Variants in SCHIP1 observed in about 807,000 individuals in gnomAD.
The protein encoded by SCHIP1 is schwannomin-interacting protein 1.
SCHIP1 carries 8 observed loss-of-function variants against 29.7 expected under a neutral mutation model. The ratio of observed to expected loss-of-function variants is 0.27; its 90% CI spans 0.16 to 0.49. The LOEUF (loss-of-function observed/expected upper bound fraction) is 0.49, where lower values mean the gene tolerates loss of function less well. Among genes scored for constraint, SCHIP1 ranks in the 20% least tolerant of loss-of-function variants. The pLI, the probability that SCHIP1 is intolerant of heterozygous loss-of-function variation, is 0.99. For missense variants in SCHIP1, 193 were observed against 294.6 expected (o/e 0.66, Z 2.52); for synonymous variants, 76 against 94.9 (o/e 0.80, Z 1.16).
the SCHIP1 span, among the ~76,000 whole-genome samples, chr3:159,666,296 G>A: frequency 8.1e-4 from 124 of 152,278 alleles, 1 homozygote; most frequent in African/African-American, 2.7e-3. Context: ...CAACACTGAC[G>A]CTTTGCTCAG....
chr3:159,498,359 G>A, the SCHIP1 span, among the ~76,000 whole-genome samples: 1 of 152,176 alleles, frequency 6.6e-6, no homozygotes. Context: ...AGAACAACCA[G>A]TAATTCCTTG....
the SCHIP1 span, among the ~76,000 whole-genome samples, chr3:159,278,240 T>A: frequency 6.6e-6 from 1 of 152,122 alleles, no homozygotes; most frequent in Non-Finnish European, 1.5e-5. Flanking sequence ...CCTGAGCTCC[T>A]TGAGAAACCA....
the SCHIP1 span, among the ~76,000 whole-genome samples, chr3:159,425,994 C>T: frequency 6.6e-6 from 1 of 152,002 alleles, no homozygotes; most frequent in African/African-American, 2.4e-5. Context: ...TTGAAACCAA[C>T]AAGAACAAAG....
chr3:159,452,382 T>A, the SCHIP1 span, among the ~76,000 whole-genome samples: 3 of 152,134 alleles, frequency 2.0e-5, no homozygotes, highest in Non-Finnish European at 4.4e-5. Flanking sequence ...CTCCCACTTA[T>A]AAGTGAGAAC....
At chr3:159,603,404 C>T in the SCHIP1 span, among the ~76,000 whole-genome samples, 4 of 152,276 alleles carry the variant, frequency 2.6e-5, no homozygotes, top group South Asian at 2.1e-4. Flanking sequence ...ACTCTCTTCC[C>T]TACCTGGAGG....
chr3:159,604,845 T>C, the SCHIP1 span, among the ~76,000 whole-genome samples: 1 of 152,180 alleles, frequency 6.6e-6, no homozygotes, highest in African/African-American at 2.4e-5. Context: ...ATGAAGTCAC[T>C]TGAACATAGT....
At chr3:159,742,132 A>G in the SCHIP1 span, among the ~76,000 whole-genome samples, 1 of 152,188 alleles carries the variant, frequency 6.6e-6, no homozygotes, top group African/African-American at 2.4e-5. Flanking sequence ...AGGCTGAGGC[A>G]GGAGAAGAGT....
chr3:159,607,263 C>T, the SCHIP1 span, among the ~76,000 whole-genome samples: 5 of 152,120 alleles, frequency 3.3e-5, no homozygotes, highest in Admixed American at 3.3e-4. Context: ...CATTCAGTTC[C>T]AATAATTGTT....
the SCHIP1 span, among the ~76,000 whole-genome samples, chr3:159,552,025 C>T: frequency 1.3e-5 from 2 of 149,278 alleles, no homozygotes; most frequent in Non-Finnish European, 3.0e-5. Context: ...TTTAAGCTGC[C>T]ACATTGCTTT....
the SCHIP1 span, among the ~76,000 whole-genome samples, chr3:159,789,230 A>G: frequency 6.6e-6 from 1 of 152,166 alleles, no homozygotes; most frequent in South Asian, 2.1e-4. Flanking sequence ...TCAAAAGTTA[A>G]TGTTGCAATC....
At chr3:159,657,737 T>A in the SCHIP1 span, among the ~76,000 whole-genome samples, 527 of 152,374 alleles carry the variant, frequency 3.5e-3, 6 homozygotes, top group African/African-American at 0.012. Context: ...AATTAATAAG[T>A]GCCATCAATG....
chr3:159,441,928 C>T, the SCHIP1 span, among the ~76,000 whole-genome samples: 2 of 152,054 alleles, frequency 1.3e-5, no homozygotes, highest in African/African-American at 2.4e-5. Context: ...GACTCCTGGG[C>T]TCCAGCAGTC....
the SCHIP1 span, among the ~76,000 whole-genome samples, chr3:159,502,788 C>G: frequency 6.6e-6 from 1 of 152,110 alleles, no homozygotes; most frequent in Non-Finnish European, 1.5e-5. Flanking sequence ...GCCACAATGG[C>G]CTTTCTAACG....
At chr3:159,668,376 C>CAAAAAAAAAAAAGAAAAAAAA in the SCHIP1 span, among the ~76,000 whole-genome samples, 1 of 46,412 alleles carries the variant, frequency 2.2e-5, no homozygotes. Context: ...GACTCCGTCT[C>CAAAAAAAAAAAAGAAAAAAAA]AAAAAAAAAA....
chr3:159,495,922 T>A, the SCHIP1 span, among the ~76,000 whole-genome samples: 1 of 152,030 alleles, frequency 6.6e-6, no homozygotes, highest in Non-Finnish European at 1.5e-5. Flanking sequence ...ACCAATGGAA[T>A]ACAACAGAGC....
intron 1 of SCHIP1, among the ~76,000 whole-genome samples, chr3:159,862,113 T>G (rs562436241): frequency 9.9e-4 from 151 of 152,338 alleles, no homozygotes; most frequent in Middle Eastern, 3.4e-3. Context: ...GTGGTTATGA[T>G]TTAGCCCATA....
chr3:159,609,502 G>A, the SCHIP1 span, among the ~76,000 whole-genome samples: 229 of 152,144 alleles, frequency 1.5e-3, 1 homozygote, highest in African/African-American at 5.3e-3. Context: ...GTGTGTGGCC[G>A]CTTAGCTGAA....
the SCHIP1 span, among the ~76,000 whole-genome samples, chr3:159,801,823 G>A: frequency 1.3e-5 from 2 of 151,842 alleles, no homozygotes; most frequent in Admixed American, 6.6e-5. Flanking sequence ...ACATCTGCAC[G>A]AGGTAGGAAA....
the SCHIP1 span, among the ~76,000 whole-genome samples, chr3:159,468,777 A>ATATATATATATTTTT: frequency 6.3e-5 from 8 of 127,336 alleles, no homozygotes; most frequent in African/African-American, 2.4e-4. Context: ...ATATATATAT[A>ATATATATATATTTTT]TTTTTTTTAG....
Sources: allele counts gnomAD v4.1 joint callset (sites outside exome capture counted in the v4.1 genomes callset), GRCh38; gene constraint gnomAD v4.1.1; transcripts MANE v1.5; gene names NCBI Gene and HGNC (gene_info 2026-07-23, HGNC 2026-07-21).